Variants in SPG11 observed in about 807,000 individuals in gnomAD.
SPG11 encodes SPG11 vesicle trafficking associated, spatacsin.
A neutral mutation model predicts 274.0 loss-of-function variants in SPG11; 222 were observed. That is an observed-to-expected ratio of 0.81 (90% CI 0.73 to 0.91). SPG11 has a LOEUF of 0.91. SPG11 is among the 40% of genes least tolerant of loss of function. The pLI, the probability that SPG11 is intolerant of heterozygous loss-of-function variation, is 0.00. For synonymous variants in SPG11, 1,144 were observed against 1,039.7 expected, an observed-to-expected ratio of 1.10 and a Z score of -1.93; for missense variants, 3,114 against 2,872.7, an observed-to-expected ratio of 1.08 and a Z score of -1.92.
intron 34 of SPG11, 69 bp from the exon 35 acceptor site, chr15:44,569,574 C>CTT: frequency 8.2e-7 from 1 of 1,213,136 alleles, no homozygotes; most frequent in Non-Finnish European, 1.2e-6. Flanking sequence ...CAGACAACTA[C>CTT]CATCAGTGGT....
intron 15 of SPG11, among the ~76,000 whole-genome samples, chr15:44,619,355 T>C (rs113995624): frequency 1.4e-4 from 22 of 152,380 alleles, no homozygotes; most frequent in African/African-American, 5.3e-4. Flanking sequence ...TGGAGCCGAA[T>C]GAAATGGTTG....
At chr15:44,636,489 G>A (rs576559728) in intron 7 of SPG11, among the ~76,000 whole-genome samples, 2 of 151,048 alleles carry the variant, frequency 1.3e-5, no homozygotes, top group East Asian at 1.9e-4. Flanking sequence ...GTGAAACCCC[G>A]TCTCTACTAA....
At chr15:44,657,446 C>T (rs145153728) in intron 3 of SPG11, 150 bp from the exon 4 acceptor site, 3 of 687,434 alleles carry the variant, frequency 4.4e-6, no homozygotes, top group Non-Finnish European at 7.4e-6. Flanking sequence ...CCCATTATAA[C>T]AACCAGATGA....
At chr15:44,564,432 A>T (rs1435400342) in intron 39 of SPG11, 115 bp downstream of exon 39, 2 of 1,026,348 alleles carry the variant, frequency 1.9e-6, no homozygotes, top group Non-Finnish European at 3.0e-6. Flanking sequence ...CTGCTTTGCC[A>T]TTTTAAGTAG....
chr15:44,569,444 T>A lies in SPG11; in HGVS notation c.6539A>T (p.His2180Leu), dbSNP rs1470051584. 4 of 1,607,158 alleles carry A rather than the reference T, an allele frequency of 2.5e-6. No homozygotes were observed. The highest frequency in any genetic ancestry group is 3.4e-6 in the Non-Finnish European group (4 of 1,176,310). The change falls in exon 35 of 40, where the codon CAT becomes CTT. Residue 2180 changes from histidine to leucine, a missense_variant. His to Leu is a moderately conservative substitution (Grantham distance 99). Coordinates refer to ENST00000261866, the MANE Select transcript of SPG11 (RefSeq NM_025137.4). ...TAGCACTTCAAAGTAGTGCTTTTTA[T>A]GCAGCAAATCAAATATGTATGTCAT... ...NEMTYIFDLL[H>L]KKHYFEVLMR... is the part of the protein sequence containing the mutation.
intron 30 of SPG11, among the ~76,000 whole-genome samples, chr15:44,583,216 C>T (rs555374421): frequency 2.0e-5 from 3 of 152,300 alleles, no homozygotes; most frequent in African/African-American, 7.2e-5. Flanking sequence ...CGGTGGCTCA[C>T]GCCCTATAAT....
intron 30 of SPG11, among the ~76,000 whole-genome samples, chr15:44,581,643 C>T (rs1038713070): frequency 1.3e-5 from 2 of 149,792 alleles, no homozygotes; most frequent in African/African-American, 4.9e-5. Flanking sequence ...CCTGTAATCC[C>T]AGCACTTTGG....
chr15:44,596,895 G>A lies in SPG11; in HGVS notation c.4050C>T (p.Cys1350=). 2.5e-6 allele frequency: 4 copies of A among 1,613,904 alleles called. No individual in the cohort carries two copies. Among genetic ancestry groups the A allele is most frequent in the Non-Finnish European group, 3.4e-6 (4 of 1,179,952 alleles). The change falls in exon 24 of 40, where the codon TGC becomes TGT. Residue 1350 remains cysteine (C), a synonymous_variant. Transcript: ENST00000261866. The part of the protein sequence containing the change: ...SSQWALVVQF[C]RLHNMKLSIS... ...TGCTTAGTTTCATATTGTGTAGCCT[G>A]CAGAACTGCACCACTAATGCCCATT...
chr15:44,573,309 C>T, intron 32 of SPG11: 1 of 622,636 alleles, frequency 1.6e-6, no homozygotes, highest in Admixed American at 2.7e-5. Flanking sequence ...GCTCAGAAAG[C>T]CACAGCTACT....
At chr15:44,592,508 T>TA in intron 26 of SPG11, 70 bp from the exon 27 acceptor site, 2 of 907,218 alleles carry the variant, frequency 2.2e-6, no homozygotes, top group Non-Finnish European at 1.8e-6. Flanking sequence ...TAATGCCAAA[T>TA]AAGAGAATGT....
chr15:44,597,570 G>A lies in SPG11; in HGVS notation c.4002-627C>T, dbSNP rs115825716. Among the ~76,000 whole-genome samples the A allele has an allele frequency of 7.0e-3, 1,071 of 152,292 alleles. 14 individuals are homozygous for A. Among genetic ancestry groups the A allele is most frequent in the African/African-American group, 0.024 (993 of 41,558 alleles). On this transcript the variant is annotated intron_variant, in intron 23 of 39. Coordinates refer to ENST00000261866, the MANE Select transcript of SPG11 (RefSeq NM_025137.4). ...AGTTGTCAGTCAAGAAACTTTCTGA[G>A]CACTTATTTCTCTTGCTCTATTCAC...
intron 14 of SPG11, chr15:44,620,745 C>T: frequency 4.9e-6 from 1 of 206,132 alleles, no homozygotes; most frequent in Admixed American, 5.4e-5. Flanking sequence ...GTAGCCCAGG[C>T]TGGAGTGCAG....
intron 32 of SPG11, 23 bp from the exon 33 acceptor site, chr15:44,572,843 A>AGGTGC: frequency 1.2e-6 from 2 of 1,613,884 alleles, no homozygotes; most frequent in Non-Finnish European, 1.7e-6. Context: ...GTGTGAAGAC[A>AGGTGC]GGTGCTGGTT....
At position 44,628,662 on chromosome 15, in the gene SPG11, T is replaced by C. The variant is rs1360895808; in HGVS notation, c.2067+7A>G. 3.7e-6 allele frequency: 6 copies of C among 1,612,210 alleles called. No individual in the cohort carries two copies. The highest frequency in any genetic ancestry group is 2.2e-5 in the East Asian group (1 of 44,792). ...AAATAAAAGAAGTGATGATTATTCG[T>C]ACTTACCTCAAAGCTGAGTTTCTTC... On this transcript the variant is annotated splice_region_variant and intron_variant, in intron 10 of 39. Transcript: ENST00000261866.
chr15:44,662,012 T>TA (rs1437951992), intron 1 of SPG11, among the ~76,000 whole-genome samples: 1 of 151,808 alleles, frequency 6.6e-6, no homozygotes, highest in Non-Finnish European at 1.5e-5. Flanking sequence ...ATCTCGGTCT[T>TA]ACCTTCCCTG....
intron 3 of SPG11, 58 bp from the exon 4 acceptor site, chr15:44,657,354 G>T: frequency 6.6e-7 from 1 of 1,516,654 alleles, no homozygotes; most frequent in Non-Finnish European, 9.1e-7. Context: ...ACTATTTAAA[G>T]CACAGGTTGG....
rs767041626 is a variant in SPG11 at position 44,585,775 on chromosome 15, A to G, written c.4982T>C (p.Ile1661Thr). The part of the protein sequence containing the change: ...DTSIAINHTI[I>T]TSYSIENLQH... ...AAGATTCTCAATGCTGTAGCTGGTA[A>G]TAATTGTATGATTAATGGCTATGGA... The change falls in exon 29 of 40, where the codon ATT (isoleucine) becomes ACT (threonine). Residue 1661 changes from isoleucine (I) to threonine (T), a missense_variant. Transcript: ENST00000261866. The G allele has an allele frequency of 1.2e-6, 2 of 1,614,108 alleles. No homozygotes were observed. The highest frequency in any genetic ancestry group is 2.2e-5 in the South Asian group (2 of 91,082).
intron 39 of SPG11, among the ~76,000 whole-genome samples, chr15:44,563,980 C>G (rs147080166): frequency 3.3e-5 from 5 of 152,158 alleles, no homozygotes; most frequent in Non-Finnish European, 7.4e-5. Flanking sequence ...AAAGGCACCT[C>G]TGATGTTTTA....
rs548693973 is a variant in SPG11, at chr15:44,596,234, G to A, written c.4283C>T (p.Pro1428Leu). Residue 1428 changes from proline to leucine, a missense_variant, in exon 25 of 40, where the codon CCC (proline) becomes CTC (leucine). Transcript: ENST00000261866. ...MDSDQVCNKC[P>L]QELQGSKQEM... Reference sequence around the variant, plus strand: ...TTGTTTGCTTCCTTGAAGTTCCTGGGGGCACTTATTGCAGACTTGATCGCT... The same window carrying A: ...TTGTTTGCTTCCTTGAAGTTCCTGGAGGCACTTATTGCAGACTTGATCGCT... 2.5e-6 allele frequency: 4 copies of A among 1,614,084 alleles called. No individual in the cohort carries two copies. In the South Asian group the frequency reaches 4.4e-5, roughly 18 times the overall value.
Sources: gnomAD v4.1 joint callset for allele counts (sites outside exome capture counted in the v4.1 genomes callset) on GRCh38, gnomAD v4.1.1 for gene constraint, MANE v1.5 for transcripts, NCBI Gene and HGNC (gene_info 2026-07-23, HGNC 2026-07-21) for gene names.